The following NAV2 variants were observed in gnomAD, a reference collection of about 807,000 sequenced individuals.
The protein encoded by NAV2 is neuron navigator 2, also known as helicase, APC down-regulated 1.
NAV2 carries 54 observed loss-of-function variants against 223.2 expected under a neutral mutation model. The ratio of observed to expected loss-of-function variants is 0.24; its 90% confidence interval spans 0.19 to 0.30. The LOEUF is 0.30. Among genes scored for constraint, NAV2 ranks in the 10% least tolerant of loss-of-function variants. The pLI is 1.00. For missense variants in NAV2, 2,806 were observed against 3,147.5 expected (o/e 0.89, Z 2.60); for synonymous variants, 1,279 against 1,239.3 (o/e 1.03, Z -0.67).
chr11:19,710,043 T>C (rs1016727852), upstream of NAV2, among the ~76,000 whole-genome samples: 4 of 152,236 alleles, frequency 2.6e-5, no homozygotes, highest in African/African-American at 9.6e-5. Flanking sequence ...CTGTTGTTCA[T>C]ATTTATGCAT....
intron 1 of NAV2, among the ~76,000 whole-genome samples, chr11:19,825,950 A>G (rs2059624775): frequency 6.6e-6 from 1 of 152,150 alleles, no homozygotes; most frequent in Non-Finnish European, 1.5e-5. Flanking sequence ...TATCTTGTCA[A>G]GCCTTTGACA....
In NAV2 at chr11:19,554,620, G is replaced by A. The variant is rs61633363; in HGVS notation, c.75+203593G>A. On this transcript the variant is annotated intron_variant, in intron 1 of 37. Transcript: ENST00000360655. ...CTTGTCCTCCAGGGTTCTGTTTCTCGTCTATAAAATGAGGGAGTAGGTAAG... is the reference window on the plus strand; with the variant it reads ...CTTGTCCTCCAGGGTTCTGTTTCTCATCTATAAAATGAGGGAGTAGGTAAG... Among the ~76,000 whole-genome samples the A allele has an allele frequency of 8.2e-3, 1,242 of 152,234 alleles. 15 individuals are homozygous for A. The highest frequency in any genetic ancestry group is 0.029 in the African/African-American group (1,200 of 41,532).
chr11:19,499,904 A>C (rs2042910486), intron 1 of NAV2, among the ~76,000 whole-genome samples: 1 of 152,106 alleles, frequency 6.6e-6, no homozygotes, highest in South Asian at 2.1e-4. Flanking sequence ...AATAAATTTT[A>C]AATAAAGCAA....
chr11:19,404,692 A>G (rs766760091), intron 1 of NAV2, among the ~76,000 whole-genome samples: 7 of 152,192 alleles, frequency 4.6e-5, no homozygotes, highest in Non-Finnish European at 8.8e-5. Flanking sequence ...CTGCTCTCAG[A>G]AAACACTAAC....
intron 9 of NAV2, among the ~76,000 whole-genome samples, chr11:19,947,319 A>G (rs1208812711): frequency 6.6e-6 from 1 of 152,336 alleles, no homozygotes; most frequent in South Asian, 2.1e-4. Context: ...AAATAAGGCC[A>G]CTTCCAAGAT....
At chr11:19,918,332 A>G (rs1449978130) in intron 6 of NAV2, among the ~76,000 whole-genome samples, 4 of 152,244 alleles carry the variant, frequency 2.6e-5, no homozygotes, top group Middle Eastern at 6.3e-3. Context: ...GGTTGGGTCA[A>G]TAGTCAGTTT....
intron 1 of NAV2, among the ~76,000 whole-genome samples, chr11:19,497,013 C>T (rs1476425398): frequency 6.6e-6 from 1 of 152,200 alleles, no homozygotes; most frequent in Non-Finnish European, 1.5e-5. Flanking sequence ...GATCCCTCAT[C>T]TGTCAAGTGG....
intron 1 of NAV2, among the ~76,000 whole-genome samples, chr11:19,689,767 G>T (rs2049115553): frequency 6.6e-6 from 1 of 152,200 alleles, no homozygotes; most frequent in African/African-American, 2.4e-5. Context: ...GCATGTGTTT[G>T]CAGGGTTTTG....
intron 1 of NAV2, among the ~76,000 whole-genome samples, chr11:19,461,656 G>A (rs758991919): frequency 6.6e-5 from 10 of 152,176 alleles, no homozygotes; most frequent in Non-Finnish European, 1.2e-4. Flanking sequence ...TCAAATCATA[G>A]CTTGAAATCC....
chr11:20,013,651 G>T (rs557407537), intron 11 of NAV2, among the ~76,000 whole-genome samples: 19 of 152,130 alleles, frequency 1.2e-4, no homozygotes, highest in Non-Finnish European at 2.8e-4. Context: ...CTGTAGGAAG[G>T]GTTCTGCGGG....
At chr11:19,509,270 TGTGTGTGTGG>T (rs932431476) in intron 1 of NAV2, among the ~76,000 whole-genome samples, 6 of 152,134 alleles carry the variant, frequency 3.9e-5, no homozygotes, top group Non-Finnish European at 8.8e-5. Context: ...TTAGTGTGTT[TGTGTGTGTGG>T]GTGTGTGTGT....
chr11:19,798,230 C>T (rs1033846719), intron 1 of NAV2, among the ~76,000 whole-genome samples: 1 of 152,174 alleles, frequency 6.6e-6, no homozygotes, highest in Non-Finnish European at 1.5e-5. Flanking sequence ...TGTGTCTCTT[C>T]TTTCCTGTAA....
At chr11:19,674,929 CT>C (rs1352083046) in intron 1 of NAV2, among the ~76,000 whole-genome samples, 1 of 152,198 alleles carries the variant, frequency 6.6e-6, no homozygotes, top group Non-Finnish European at 1.5e-5. Context: ...AGTTGCACCA[CT>C]TTATGGAGTT....
chr11:19,644,079 T>TACACAC (rs2047747590), intron 1 of NAV2, among the ~76,000 whole-genome samples: 1 of 33,586 alleles, frequency 3.0e-5, no homozygotes. Context: ...TGTGTGCATG[T>TACACAC]GCACACACAC....
chr11:19,725,102 T>G (rs1331453311), intron 1 of NAV2, among the ~76,000 whole-genome samples: 1 of 152,254 alleles, frequency 6.6e-6, no homozygotes, highest in African/African-American at 2.4e-5. Flanking sequence ...GTGCTTGATA[T>G]TCTCAGCATT....
chr11:19,967,018 C>G (rs1191767511), intron 10 of NAV2, among the ~76,000 whole-genome samples: 2 of 152,140 alleles, frequency 1.3e-5, no homozygotes, highest in Non-Finnish European at 2.9e-5. Context: ...TTTCATGTGG[C>G]AGGTGCTTTT....
rs1168341914 is a variant in NAV2, at chr11:20,114,706, G to C, written c.7075G>C (p.Glu2359Gln). The C allele has an allele frequency of 1.2e-6, 2 of 1,614,042 alleles. No homozygotes were observed. Among genetic ancestry groups the C allele is most frequent in the Non-Finnish European group, 1.7e-6 (2 of 1,180,040 alleles). The change falls in exon 37 of 38, where the codon GAG becomes CAG. Residue 2359 changes from glutamate to glutamine, a missense_variant. Physicochemically the swap from Glu to Gln is conservative, Grantham distance 29. Transcript: ENST00000349880. ...EWPPLLQLRPEDVGFDGYSMP... is the reference protein window; with the variant it reads ...EWPPLLQLRPQDVGFDGYSMP... Reference sequence around the variant, plus strand: ...GCCTCCCCTGCTGCAGTTACGGCCTGAGGATGTCGGCTTCGACGGCTACTC... The same window carrying C: ...GCCTCCCCTGCTGCAGTTACGGCCTCAGGATGTCGGCTTCGACGGCTACTC...
At chr11:19,812,957 A>G (rs1351066471) in intron 1 of NAV2, among the ~76,000 whole-genome samples, 1 of 152,092 alleles carries the variant, frequency 6.6e-6, no homozygotes, top group Admixed American at 6.6e-5. Context: ...CCTGAAATTT[A>G]CTTCTTCTAA....
At chr11:19,577,330 T>A (rs1449397563) in intron 1 of NAV2, among the ~76,000 whole-genome samples, 1 of 152,236 alleles carries the variant, frequency 6.6e-6, no homozygotes, top group East Asian at 1.9e-4. Flanking sequence ...TGTCCTCAGA[T>A]ACCCACCTGG....
Sources: allele counts gnomAD v4.1 joint callset (sites outside exome capture counted in the v4.1 genomes callset), GRCh38; gene constraint gnomAD v4.1.1; transcripts MANE v1.5; gene names NCBI Gene and HGNC (gene_info 2026-07-23, HGNC 2026-07-21).